The following HPSE2 variants were observed in gnomAD, a reference collection of about 807,000 sequenced individuals.
The protein encoded by HPSE2 is heparanase 2 (inactive), also known as inactive heparanase-2.
In HPSE2, 38 loss-of-function variants were observed where a neutral mutation model predicts 60.5. That is an observed-to-expected ratio of 0.63 (90% CI 0.48 to 0.82). The LOEUF (loss-of-function observed/expected upper bound fraction) is 0.82, where lower values mean the gene tolerates loss of function less well. Among genes scored for constraint, HPSE2 ranks in the 40% least tolerant of loss-of-function variants. The probability of loss-of-function intolerance (pLI) is 0.00; values close to 1 mark genes in which losing one functional copy is unlikely to be tolerated. For synonymous variants in HPSE2, 295 were observed against 293.2 expected (o/e 1.01, Z -0.06); for missense variants, 713 against 740.4 (o/e 0.96, Z 0.43).
In HPSE2 at chr10:99,116,965, C is replaced by T. The variant is rs117952124; in HGVS notation, c.610+27273G>A. ...GAGAACACTAAAGACAGAATAGCGA[C>T]AATCCCTAAACTGCTAACCTGGTAG... On this transcript the variant is annotated intron_variant, in intron 3 of 11. Transcript: ENST00000370552. Among the ~76,000 whole-genome samples, 312 of 152,048 alleles carry T rather than the reference C, an allele frequency of 2.1e-3. 1 individual carries two copies. The highest frequency in any genetic ancestry group is 3.4e-3 in the Middle Eastern group (1 of 292).
chr10:98,621,301 C>T (rs1946067863), intron 7 of HPSE2, among the ~76,000 whole-genome samples: 1 of 152,102 alleles, frequency 6.6e-6, no homozygotes, highest in Middle Eastern at 3.4e-3. Flanking sequence ...TAATTGCATG[C>T]CTTCCAAGCA....
intron 3 of HPSE2, among the ~76,000 whole-genome samples, chr10:98,791,087 T>C (rs532949883): frequency 6.6e-6 from 1 of 152,322 alleles, no homozygotes; most frequent in African/African-American, 2.4e-5. Context: ...TGCAAATTTT[T>C]TATTGTTATA....
the HPSE2 span, among the ~76,000 whole-genome samples, chr10:99,306,788 C>T: frequency 6.6e-6 from 1 of 152,200 alleles, no homozygotes; most frequent in Non-Finnish European, 1.5e-5. Context: ...CGGCTCACTG[C>T]AACCTCCACC....
intron 5 of HPSE2, among the ~76,000 whole-genome samples, chr10:98,709,084 A>G (rs943293983): frequency 6.6e-6 from 1 of 152,194 alleles, no homozygotes; most frequent in African/African-American, 2.4e-5. Context: ...CAAAAAGATC[A>G]TTATTTTCTT....
chr10:98,983,569 C>G (rs964507566), intron 3 of HPSE2, among the ~76,000 whole-genome samples: 3 of 152,222 alleles, frequency 2.0e-5, no homozygotes, highest in African/African-American at 7.2e-5. Flanking sequence ...TCTTCTAGCA[C>G]AGACAAAGTC....
At chr10:98,833,403 C>G (rs1362148854) in intron 3 of HPSE2, among the ~76,000 whole-genome samples, 1 of 152,092 alleles carries the variant, frequency 6.6e-6, no homozygotes, top group Admixed American at 6.6e-5. Flanking sequence ...CTGAGGAATA[C>G]CTTTTAAGGA....
At chr10:98,805,482 T>C (rs912864322) in intron 3 of HPSE2, among the ~76,000 whole-genome samples, 1 of 152,252 alleles carries the variant, frequency 6.6e-6, no homozygotes, top group African/African-American at 2.4e-5. Context: ...CAAGTGTATA[T>C]ATTTATGGGG....
intron 9 of HPSE2, among the ~76,000 whole-genome samples, chr10:98,611,195 C>T (rs1034145536): frequency 3.3e-5 from 5 of 152,184 alleles, no homozygotes; most frequent in African/African-American, 1.2e-4. Context: ...AGGTGGGTGG[C>T]ACTTTTCTGG....
intron 3 of HPSE2, among the ~76,000 whole-genome samples, chr10:99,073,387 GCAC>G (rs1184616054): frequency 6.6e-6 from 1 of 151,868 alleles, no homozygotes; most frequent in Non-Finnish European, 1.5e-5. Flanking sequence ...AGAAAACCAA[GCAC>G]CACATGTTCT....
intron 2 of HPSE2, among the ~76,000 whole-genome samples, chr10:99,146,273 C>T (rs549436061): frequency 6.6e-6 from 1 of 152,276 alleles, no homozygotes; most frequent in African/African-American, 2.4e-5. Context: ...CTGACCCAAA[C>T]CCTAAACACA....
rs956710269 is a variant in HPSE2, at chr10:98,940,779, A to G, written c.611-196723T>C. 5.6e-5 allele frequency among the ~76,000 whole-genome samples: 8 copies of G among 142,356 alleles called. 2 individuals carry two copies. Among genetic ancestry groups the G allele is most frequent in the African/African-American group, 1.2e-4 (4 of 34,290 alleles). The allele number at this position is 142,356 out of a possible 152,430, so 93.4% of individuals were successfully genotyped here. A position where few individuals can be genotyped will look rare whatever the true frequency, so the allele number is the denominator to read the frequency against. On this transcript the variant is annotated intron_variant, in intron 3 of 11. Coordinates refer to ENST00000370552, the MANE Select transcript of HPSE2 (RefSeq NM_021828.5). ...ACCAAAGCTGGGCAGAGACACAACC[A>G]AAAAAGAGAATTTTAAACCAATATC...
rs551308578 is a variant in HPSE2 at position 98,911,654 on chromosome 10, G to A, written c.611-167598C>T. Among the ~76,000 whole-genome samples the A allele has an allele frequency of 9.9e-5, 15 of 152,210 alleles. No homozygotes were observed. The South Asian group carries it at 1.2e-3, about 13-fold the overall frequency. ...TGAGGTAGGGGTCCAGCTATAACCC[G>A]GTTGAAACAAGCCAAGAAGGCTAGA... On this transcript the variant is annotated intron_variant, in intron 3 of 11. Coordinates refer to ENST00000370552, the MANE Select transcript of HPSE2 (RefSeq NM_021828.5).
intron 3 of HPSE2, among the ~76,000 whole-genome samples, chr10:99,066,757 T>C (rs969005580): frequency 6.6e-6 from 1 of 152,064 alleles, no homozygotes; most frequent in African/African-American, 2.4e-5. Context: ...AGCTAAACCA[T>C]ATCATTCTGC....
At chr10:99,103,877 A>C (rs1844125097) in intron 3 of HPSE2, among the ~76,000 whole-genome samples, 1 of 152,244 alleles carries the variant, frequency 6.6e-6, no homozygotes, top group South Asian at 2.1e-4. Context: ...AGAACAAGAA[A>C]TGGGGAAAGG....
At chr10:99,285,277 A>G in the HPSE2 span, among the ~76,000 whole-genome samples, 1 of 151,394 alleles carries the variant, frequency 6.6e-6, no homozygotes, top group African/African-American at 2.4e-5. Flanking sequence ...AAAAAAGGAA[A>G]AAAAAATTAG....
chr10:99,304,916 G>A, the HPSE2 span, among the ~76,000 whole-genome samples: 1 of 152,314 alleles, frequency 6.6e-6, no homozygotes, highest in South Asian at 2.1e-4. Flanking sequence ...TTTTTAAGAT[G>A]AGTCAAAACT....
chr10:98,985,237 G>C (rs1324010720), intron 3 of HPSE2, among the ~76,000 whole-genome samples: 1 of 152,180 alleles, frequency 6.6e-6, no homozygotes, highest in African/African-American at 2.4e-5. Flanking sequence ...AGGGCAGCCA[G>C]AGAGAAAGGT....
chr10:98,696,762 A>T (rs1166320183), intron 5 of HPSE2, among the ~76,000 whole-genome samples: 1 of 152,182 alleles, frequency 6.6e-6, no homozygotes, highest in Non-Finnish European at 1.5e-5. Flanking sequence ...TCTGGGACCC[A>T]TAGCTGCCTA....
At position 99,161,969 on chromosome 10, in the gene HPSE2, T is replaced by C. The variant is rs1846863182; in HGVS notation, c.449-17570A>G. Among the ~76,000 whole-genome samples, 4 of 152,318 alleles carry C rather than the reference T, an allele frequency of 2.6e-5. No homozygotes were observed. The South Asian group carries it at 8.3e-4, about 32-fold the overall frequency. On this transcript the variant is annotated intron_variant, in intron 2 of 11. Coordinates refer to ENST00000370552, the MANE Select transcript of HPSE2 (RefSeq NM_021828.5). Reference sequence around the variant, plus strand: ...ACTGTATGATTCCATTTATATGAGGTACCTGGGGTAGTCAAATTTATAGAG... The same window carrying C: ...ACTGTATGATTCCATTTATATGAGGCACCTGGGGTAGTCAAATTTATAGAG...
Sources: allele counts gnomAD v4.1 joint callset (sites outside exome capture counted in the v4.1 genomes callset), GRCh38; gene constraint gnomAD v4.1.1; transcripts MANE v1.5; gene names NCBI Gene and HGNC (gene_info 2026-07-23, HGNC 2026-07-21).